The following PPP1R1C variants were observed in gnomAD, a reference collection of about 807,000 sequenced individuals.
PPP1R1C encodes protein phosphatase 1 regulatory inhibitor subunit 1C.
Under a neutral mutation model 17.4 loss-of-function variants are expected in PPP1R1C, and 15 were observed. The ratio of observed to expected loss-of-function variants is 0.86; its 90% confidence interval spans 0.58 to 1.33. PPP1R1C has a LOEUF of 1.33. PPP1R1C is among the 40% of genes most tolerant of loss of function. PPP1R1C has a pLI of 0.00. For missense variants in PPP1R1C, 143 were observed against 130.0 expected (o/e 1.10, Z -0.48); for synonymous variants, 35 against 43.1 (o/e 0.81, Z 0.73).
At position 181,986,173 on chromosome 2, in the gene PPP1R1C, A is replaced by G. The variant is rs1685291931; in HGVS notation, c.63A>G (p.Ala21=). 6 of 1,613,454 alleles carry G rather than the reference A, an allele frequency of 3.7e-6. No individual in the cohort carries two copies. In the East Asian group the frequency reaches 1.3e-4, roughly 36 times the overall value. Reference sequence around the variant, plus strand: ...TGCCTGTATTCCAGAGTCAGATTGCACCTGAAGCAGCAGAGCAGGTATGTG... The same window carrying G: ...TGCCTGTATTCCAGAGTCAGATTGCGCCTGAAGCAGCAGAGCAGGTATGTG... ...FAVPVFQSQI[A]PEAAEQIRKR... is the part of the protein sequence containing the mutation. Residue 21 remains alanine, a synonymous_variant, in exon 1 of 5, where the codon GCA becomes GCG. Coordinates refer to ENST00000682840, the MANE Select transcript of PPP1R1C (RefSeq NM_001080545.3).
chr2:182,030,120 T>G (rs1433180650), intron 2 of PPP1R1C, among the ~76,000 whole-genome samples: 11 of 145,102 alleles, frequency 7.6e-5, no homozygotes, highest in African/African-American at 7.7e-5. Flanking sequence ...TCTTCTAAAT[T>G]TTTTTCAAAG....
chr2:182,050,667 C>A (rs533741197), intron 2 of PPP1R1C, among the ~76,000 whole-genome samples: 1 of 152,268 alleles, frequency 6.6e-6, no homozygotes, highest in South Asian at 2.1e-4. Context: ...TCTTCCAGAT[C>A]CTAGCCAAAT....
At chr2:181,980,428 G>T (rs953930816) in intron 2 of PPP1R1C, among the ~76,000 whole-genome samples, 3 of 152,188 alleles carry the variant, frequency 2.0e-5, no homozygotes, top group Non-Finnish European at 4.4e-5. Flanking sequence ...GCTAAAGCCT[G>T]TTTAAAAGTC....
intron 5 of PPP1R1C, among the ~76,000 whole-genome samples, chr2:182,123,743 C>T (rs189904459): frequency 1.3e-5 from 2 of 152,166 alleles, no homozygotes; most frequent in East Asian, 3.9e-4. Context: ...CTTATAGATT[C>T]TGGATATTAG....
intron 2 of PPP1R1C, among the ~76,000 whole-genome samples, chr2:182,005,814 A>G (rs1238437271): frequency 6.6e-6 from 1 of 152,196 alleles, no homozygotes; most frequent in Non-Finnish European, 1.5e-5. Context: ...CTAGGTTTGA[A>G]TGTCATTTAC....
intron 4 of PPP1R1C, among the ~76,000 whole-genome samples, chr2:182,080,782 T>C (rs917037065): frequency 6.6e-6 from 1 of 152,190 alleles, no homozygotes; most frequent in Non-Finnish European, 1.5e-5. Context: ...AAAGCCATTT[T>C]AATATGCATT....
intron 4 of PPP1R1C, among the ~76,000 whole-genome samples, chr2:182,071,973 T>C (rs1688153270): frequency 6.6e-6 from 1 of 152,196 alleles, no homozygotes; most frequent in Admixed American, 6.5e-5. Context: ...CAGCCTTTTC[T>C]CCAAGGAGCT....
At chr2:182,035,251 G>C (rs927733084) in intron 2 of PPP1R1C, among the ~76,000 whole-genome samples, 20 of 152,114 alleles carry the variant, frequency 1.3e-4, no homozygotes, top group African/African-American at 4.8e-4. Flanking sequence ...GGCAAAAATG[G>C]TTGTTATTAT....
At chr2:181,955,886 T>C (rs1315744084) in intron 1 of PPP1R1C, among the ~76,000 whole-genome samples, 2 of 152,168 alleles carry the variant, frequency 1.3e-5, no homozygotes, top group Non-Finnish European at 2.9e-5. Flanking sequence ...TTTTTAAATT[T>C]TATTAATCTC....
At chr2:182,020,324 T>C (rs1229916323) in intron 2 of PPP1R1C, among the ~76,000 whole-genome samples, 3 of 152,282 alleles carry the variant, frequency 2.0e-5, no homozygotes, top group East Asian at 1.9e-4. Flanking sequence ...AGATAAAATA[T>C]CTTATTAGAC....
At chr2:181,994,410 T>A (rs778801574) in intron 2 of PPP1R1C, among the ~76,000 whole-genome samples, 1 of 152,196 alleles carries the variant, frequency 6.6e-6, no homozygotes, top group Non-Finnish European at 1.5e-5. Flanking sequence ...TTTTCATACA[T>A]CATCTCTGTT....
intron 2 of PPP1R1C, among the ~76,000 whole-genome samples, chr2:182,045,653 G>C (rs1276547898): frequency 1.3e-5 from 2 of 151,944 alleles, no homozygotes; most frequent in Non-Finnish European, 2.9e-5. Flanking sequence ...TTTATTTTAT[G>C]TTATTTTTAT....
chr2:182,083,884 A>G (rs1688552207), intron 4 of PPP1R1C, among the ~76,000 whole-genome samples: 1 of 152,148 alleles, frequency 6.6e-6, no homozygotes, highest in African/African-American at 2.4e-5. Flanking sequence ...TTCCACCAGC[A>G]GTGTATAAGC....
downstream of PPP1R1C, among the ~76,000 whole-genome samples, chr2:182,121,266 G>A (rs1229695710): frequency 1.3e-5 from 2 of 152,036 alleles, no homozygotes; most frequent in Non-Finnish European, 2.9e-5. Flanking sequence ...TGTAAAATAG[G>A]TACAATCATA....
chr2:182,124,327 G>GTTTTTTTTTTTTTTTTTTTTTT (rs1294464668), intron 5 of PPP1R1C, among the ~76,000 whole-genome samples: 31 of 83,006 alleles, frequency 3.7e-4, no homozygotes, highest in Non-Finnish European at 5.6e-4. Flanking sequence ...TTTTTTTTTT[G>GTTTTTTTTTTTTTTTTTTTTTT]TTTTTTTTTT....
At chr2:182,085,882 T>G (rs1370092198) in intron 4 of PPP1R1C, among the ~76,000 whole-genome samples, 1 of 152,134 alleles carries the variant, frequency 6.6e-6, no homozygotes, top group African/African-American at 2.4e-5. Context: ...AATATCTTAG[T>G]TTTCTGGTCA....
chr2:181,986,638 T>C (rs1461183334), intron 1 of PPP1R1C, among the ~76,000 whole-genome samples: 2 of 152,244 alleles, frequency 1.3e-5, no homozygotes, highest in Non-Finnish European at 2.9e-5. Context: ...TATTTTCATA[T>C]GTTTTATTAT....
chr2:182,024,889 C>T (rs1252430775), intron 2 of PPP1R1C, among the ~76,000 whole-genome samples: 1 of 148,686 alleles, frequency 6.7e-6, no homozygotes, highest in Non-Finnish European at 1.5e-5. Flanking sequence ...AACAAACAAA[C>T]AAAAATACTA....
chr2:182,040,563 T>C (rs1687150815), intron 2 of PPP1R1C, among the ~76,000 whole-genome samples: 1 of 152,230 alleles, frequency 6.6e-6, no homozygotes, highest in Admixed American at 6.5e-5. Flanking sequence ...TGGTCCTTTG[T>C]TGGATGCATA....
Sources: allele counts gnomAD v4.1 joint callset (sites outside exome capture counted in the v4.1 genomes callset), GRCh38; gene constraint gnomAD v4.1.1; transcripts MANE v1.5; gene names NCBI Gene and HGNC (gene_info 2026-07-23, HGNC 2026-07-21).